Variants in ZNF483 observed in about 807,000 individuals in gnomAD.
The protein encoded by ZNF483 is zinc finger protein HIT-10.
In ZNF483, 9 loss-of-function variants were observed where a neutral mutation model predicts 28.6. The observed-to-expected ratio is 0.32, with a 90% CI of 0.19 to 0.55. The LOEUF (loss-of-function observed/expected upper bound fraction) is 0.55, where lower values mean the gene tolerates loss of function less well. ZNF483 is among the 20% of genes least tolerant of loss of function. ZNF483 has a pLI of 0.93. For synonymous variants in ZNF483, 322 were observed against 306.2 expected, an observed-to-expected ratio of 1.05 and a Z score of -0.54; for missense variants, 675 against 871.7, an observed-to-expected ratio of 0.77 and a Z score of 2.84.
chr9:111,549,372 G>C lies in ZNF483; in HGVS notation c.*6202G>C, dbSNP rs1827873412. Among the ~76,000 whole-genome samples, 1 of 152,198 alleles carries C rather than the reference G, an allele frequency of 6.6e-6. No homozygotes were observed. Among genetic ancestry groups the C allele is most frequent in the South Asian group, 2.1e-4 (1 of 4,834 alleles). On this transcript the variant is annotated 3_prime_UTR_variant, in exon 6 of 6. Transcript: ENST00000309235. ...GTCTATAAAGGTCTGAACTAAGAAA[G>C]CTTCTCTCAAGCCACAACACATGTG... is the stretch of plus-strand genomic sequence containing the variant.
chr9:111,526,330 T>G lies in ZNF483; in HGVS notation c.-128-938T>G, dbSNP rs544899912. 2.0e-5 allele frequency among the ~76,000 whole-genome samples: 3 copies of G among 151,878 alleles called. No homozygotes were observed. The East Asian group carries it at 5.8e-4, about 29-fold the overall frequency. On this transcript the variant is annotated intron_variant, in intron 1 of 5. Transcript: ENST00000309235. ...GGTAGCTAGAGCTCAAGAGGTGAGG[T>G]CATCAGACAGTGTCTCTAGATCACA...
downstream of ZNF483, among the ~76,000 whole-genome samples, chr9:111,559,609 C>T (rs1464571418): frequency 6.6e-6 from 1 of 151,302 alleles, no homozygotes; most frequent in Non-Finnish European, 1.5e-5. Context: ...CACACACACA[C>T]ATATACAACA....
intron 3 of ZNF483, among the ~76,000 whole-genome samples, chr9:111,532,533 C>G (rs1003820250): frequency 6.6e-6 from 1 of 152,060 alleles, no homozygotes; most frequent in East Asian, 1.9e-4. Context: ...AGGCAAGGAA[C>G]AGATTATCCC....
At chr9:111,575,126 T>C (rs4979006) in intron 5 of ZNF483, among the ~76,000 whole-genome samples, 115,250 of 151,956 alleles carry the variant, frequency 0.76, 45,045 homozygotes, top group African/African-American at 0.94. Flanking sequence ...CATGGTAAAA[T>C]CCTGTCTCTA....
At position 111,554,514 on chromosome 9, in the gene ZNF483, C is replaced by A. The variant is rs1420875394; in HGVS notation, c.*11344C>A. On this transcript the variant is annotated 3_prime_UTR_variant, in exon 6 of 6. Coordinates refer to ENST00000309235, the MANE Select transcript of ZNF483 (RefSeq NM_133464.5). ...ATCCATGGGGGATATGCTCCAAGACCTCGAGTGGATGCCTGCAACCTCAGA... is the reference window on the plus strand; with the variant it reads ...ATCCATGGGGGATATGCTCCAAGACATCGAGTGGATGCCTGCAACCTCAGA... 6.6e-6 allele frequency among the ~76,000 whole-genome samples: 1 copy of A among 152,136 alleles called. No homozygotes were observed. The highest frequency in any genetic ancestry group is 2.4e-5 in the African/African-American group (1 of 41,434).
Position 111,554,452 on chromosome 9 carries a change from C to A in ZNF483, c.*11282C>A, listed in dbSNP as rs1192635194. Among the ~76,000 whole-genome samples, 1 of 152,186 alleles carries A rather than the reference C, an allele frequency of 6.6e-6. No homozygotes were observed. Among genetic ancestry groups the A allele is most frequent in the African/African-American group, 2.4e-5 (1 of 41,440 alleles). On this transcript the variant is annotated 3_prime_UTR_variant, in exon 6 of 6. Coordinates refer to ENST00000309235, the MANE Select transcript of ZNF483 (RefSeq NM_133464.5). ...AGTCTGTTCTTTCGGTCACCAAACT[C>A]TTTCTTCCCACACTTAATGCATACA...
chr9:111,541,815 G>C lies in ZNF483; in HGVS notation c.880G>C (p.Gly294Arg), dbSNP rs561259741. 46 of 1,614,014 alleles carry C rather than the reference G, an allele frequency of 2.9e-5. No homozygotes were observed. The highest frequency in any genetic ancestry group is 3.9e-5 in the Non-Finnish European group (46 of 1,180,030). ...CGCACAAAACAAAACTCTTGGGAGT[G>C]GCAGTAGGGGTAAGAAATTTGACCC... ...RVAQNKTLGS[G>R]SRGKKFDPDK... Residue 294 changes from glycine (G) to arginine (R), a missense_variant, in exon 6 of 6, where the codon GGC (glycine) becomes CGC (arginine). Gly to Arg is a moderately radical substitution (Grantham distance 125). This residue lies in a region of ZNF483 where 525 missense variants were observed against 581.8 expected (regional missense o/e 0.90). Coordinates refer to ENST00000309235, the MANE Select transcript of ZNF483 (RefSeq NM_133464.5).
intron 2 of ZNF483, among the ~76,000 whole-genome samples, chr9:111,530,175 T>A (rs1827285117): frequency 6.6e-6 from 1 of 152,078 alleles, no homozygotes; most frequent in Non-Finnish European, 1.5e-5. Context: ...ACAGGACCAG[T>A]GATTTAATCA....
At position 111,549,727 on chromosome 9, in the gene ZNF483, T is replaced by G. The variant is rs1161616324; in HGVS notation, c.*6557T>G. On this transcript the variant is annotated 3_prime_UTR_variant, in exon 6 of 6. Transcript: ENST00000309235. ...TAAAGTGGACCCTTGCCTTCTAAGG[T>G]AATGGTGAATGATACATATTCCCTT... 1.9e-6 allele frequency: 3 copies of G among 1,549,156 alleles called. No homozygotes were observed. The highest frequency in any genetic ancestry group is 2.6e-6 in the Non-Finnish European group (3 of 1,146,332).
chr9:111,548,830 T>C lies in ZNF483; in HGVS notation c.*5660T>C, dbSNP rs74699831. Among the ~76,000 whole-genome samples the C allele has an allele frequency of 2.1e-5, 3 of 144,206 alleles. No homozygotes were observed. The highest frequency in any genetic ancestry group is 3.1e-5 in the Non-Finnish European group (2 of 65,128). The allele number at this position is 144,206 out of a possible 152,430, so 94.6% of individuals were successfully genotyped here. On this transcript the variant is annotated 3_prime_UTR_variant, in exon 6 of 6. Transcript: ENST00000309235. ...TCTCAGTTGACAGTTTTTTTTTTTT[T>C]CTTTCTGCATTAAGAGTATAACAAC...
In ZNF483 at chr9:111,544,045, A is replaced by G; in HGVS notation, c.*875A>G. ...AGTTCAAACGACTTTTCCTTGAGGG[A>G]GTATTTTAATCGGACAAGGGAACTC... On this transcript the variant is annotated 3_prime_UTR_variant, in exon 6 of 6. Coordinates refer to ENST00000309235, the MANE Select transcript of ZNF483 (RefSeq NM_133464.5). 1.0e-6 allele frequency: 1 copy of G among 985,386 alleles called. No homozygotes were observed. Among genetic ancestry groups the G allele is most frequent in the Non-Finnish European group, 1.2e-6 (1 of 829,930 alleles). 61.0% of individuals were successfully genotyped at this position (985,386 alleles called of 1,614,324 possible).
chr9:111,528,974 C>T (rs1031591828), intron 2 of ZNF483, among the ~76,000 whole-genome samples: 2 of 152,026 alleles, frequency 1.3e-5, no homozygotes, highest in Non-Finnish European at 2.9e-5. Context: ...GGAGAAACCC[C>T]GTCTCTACAA....
At chr9:111,559,947 C>T (rs1173003247), downstream of ZNF483, among the ~76,000 whole-genome samples, 2 of 152,314 alleles carry the variant, frequency 1.3e-5, no homozygotes, top group African/African-American at 2.4e-5. Flanking sequence ...TACAGACACT[C>T]TTCTCCCCAT....
At chr9:111,572,039 C>A (rs1828840994) in intron 5 of ZNF483, among the ~76,000 whole-genome samples, 1 of 152,112 alleles carries the variant, frequency 6.6e-6, no homozygotes, top group Admixed American at 6.5e-5. Context: ...CTTTCAAGTT[C>A]CAGGAAGTCA....
chr9:111,536,617 C>T (rs1827509393), intron 5 of ZNF483, among the ~76,000 whole-genome samples: 2 of 152,170 alleles, frequency 1.3e-5, no homozygotes, highest in Admixed American at 1.3e-4. Context: ...TCTATTCCAT[C>T]TTCTCAAACA....
chr9:111,550,144 T>G lies in ZNF483; in HGVS notation c.*6974T>G, dbSNP rs1407138206. Among the ~76,000 whole-genome samples, 5 of 152,226 alleles carry G rather than the reference T, an allele frequency of 3.3e-5. No individual in the cohort carries two copies. The highest frequency in any genetic ancestry group is 5.9e-5 in the Non-Finnish European group (4 of 68,036). Reference sequence around the variant, plus strand: ...TAGGGATCAGCCTGTGTTGAATGCCTAAAGTTGTCTCAATTCTTTACAGAG... The same window carrying G: ...TAGGGATCAGCCTGTGTTGAATGCCGAAAGTTGTCTCAATTCTTTACAGAG... On this transcript the variant is annotated 3_prime_UTR_variant, in exon 6 of 6. Transcript: ENST00000309235.
At chr9:111,571,947 G>T (rs1170015455) in intron 5 of ZNF483, among the ~76,000 whole-genome samples, 2 of 152,186 alleles carry the variant, frequency 1.3e-5, no homozygotes, top group African/African-American at 4.8e-5. Flanking sequence ...GTGTAAGGAA[G>T]AAAAAGTTTT....
At chr9:111,530,085 AC>A (rs770532590) in intron 2 of ZNF483, among the ~76,000 whole-genome samples, 59 of 152,144 alleles carry the variant, frequency 3.9e-4, no homozygotes, top group Non-Finnish European at 6.9e-4. Flanking sequence ...AGGGGAACCA[AC>A]CCAGTTGCTT....
chr9:111,539,652 A>G, intron 5 of ZNF483: 1 of 240,104 alleles, frequency 4.2e-6, no homozygotes, highest in Non-Finnish European at 8.5e-6. Context: ...AATCCAGGCT[A>G]CTTGGGAGGC....
Sources: allele counts gnomAD v4.1 joint callset (sites outside exome capture counted in the v4.1 genomes callset), GRCh38; gene constraint gnomAD v4.1.1; regional missense constraint gnomAD v4.1.1; transcripts MANE v1.5; gene names NCBI Gene and HGNC (gene_info 2026-07-23, HGNC 2026-07-21).